Variants in ADAMTS20 observed in about 807,000 individuals in gnomAD.
The protein encoded by ADAMTS20 is A disintegrin and metalloproteinase with thrombospondin motifs 20.
A neutral mutation model predicts 260.1 loss-of-function variants in ADAMTS20; 225 were observed. The observed-to-expected ratio is 0.87, with a 90% CI of 0.78 to 0.97. The LOEUF is 0.97. Among genes scored for constraint, ADAMTS20 ranks in the 50% least tolerant of loss-of-function variants. The pLI is 0.00. For synonymous variants in ADAMTS20, 802 were observed against 769.5 expected (o/e 1.04, Z -0.70); for missense variants, 2,400 against 2,337.7 (o/e 1.03, Z -0.55).
At chr12:43,422,909 CAA>C in intron 28 of ADAMTS20, 1 of 151,794 alleles carries the variant, frequency 6.6e-6, no homozygotes, top group Middle Eastern at 3.4e-3. Context: ...AATAGCATAA[CAA>C]AAATATATTG....
intron 36 of ADAMTS20, among the ~76,000 whole-genome samples, chr12:43,374,277 T>C (rs914391040): frequency 2.0e-5 from 3 of 152,168 alleles, no homozygotes; most frequent in Non-Finnish European, 4.4e-5. Flanking sequence ...CTATAATTTA[T>C]ATATTATATA....
At chr12:43,361,874 A>G (rs999859074) in intron 37 of ADAMTS20, among the ~76,000 whole-genome samples, 1 of 152,218 alleles carries the variant, frequency 6.6e-6, no homozygotes, top group African/African-American at 2.4e-5. Context: ...TTTGACAGTT[A>G]TATGATTTAC....
intron 11 of ADAMTS20, 51 bp from the exon 12 acceptor site, chr12:43,454,103 C>A: frequency 6.4e-7 from 1 of 1,572,094 alleles, no homozygotes; most frequent in South Asian, 1.2e-5. Flanking sequence ...CTAATTAGAA[C>A]ATCACAAAAA....
chr12:43,506,514 G>A lies in ADAMTS20; in HGVS notation c.614-4109C>T, dbSNP rs944994797. Among the ~76,000 whole-genome samples, 4 of 149,372 alleles carry A rather than the reference G, an allele frequency of 2.7e-5. No individual in the cohort carries two copies. The Admixed American group carries it at 2.7e-4, about 10-fold the overall frequency. On this transcript the variant is annotated intron_variant, in intron 3 of 38. Transcript: ENST00000389420. ...TTTTTTCTTTTTGAGGCAGAGTCTC[G>A]CCTCAGGCTGGATGGAGTGCAGTGG...
At chr12:43,453,332 A>T (rs1941903951) in intron 12 of ADAMTS20, among the ~76,000 whole-genome samples, 3 of 152,178 alleles carry the variant, frequency 2.0e-5, no homozygotes. Context: ...TTACCAACTT[A>T]TATATCATAT....
At chr12:43,419,741 C>A (rs1941194380) in intron 28 of ADAMTS20, among the ~76,000 whole-genome samples, 1 of 149,642 alleles carries the variant, frequency 6.7e-6, no homozygotes, top group African/African-American at 2.4e-5. Flanking sequence ...CACACACAAA[C>A]ACACACACAC....
intron 18 of ADAMTS20, 143 bp from the exon 19 acceptor site, chr12:43,434,514 T>C (rs1941512306): frequency 1.5e-6 from 1 of 674,290 alleles, no homozygotes; most frequent in Non-Finnish European, 2.3e-6. Context: ...TATACTAGTA[T>C]ATTAATCTAA....
chr12:43,391,898 T>C (rs1180320989), intron 29 of ADAMTS20, among the ~76,000 whole-genome samples: 3 of 152,180 alleles, frequency 2.0e-5, no homozygotes, highest in African/African-American at 7.2e-5. Flanking sequence ...CACTTTAAAA[T>C]TTAGTTTTCT....
intron 37 of ADAMTS20, among the ~76,000 whole-genome samples, chr12:43,363,757 T>C (rs1460726360): frequency 6.6e-6 from 1 of 152,004 alleles, no homozygotes; most frequent in East Asian, 1.9e-4. Flanking sequence ...TGAAGGCAAA[T>C]GGTAGATAAG....
chr12:43,458,014 C>T (rs966205906), intron 11 of ADAMTS20, among the ~76,000 whole-genome samples: 3 of 152,210 alleles, frequency 2.0e-5, no homozygotes, highest in African/African-American at 7.2e-5. Flanking sequence ...TGAGGGCATG[C>T]CCATGACATA....
chr12:43,439,858 A>G (rs1941627673), intron 17 of ADAMTS20, 39 bp downstream of exon 17: 4 of 1,578,424 alleles, frequency 2.5e-6, no homozygotes, highest in Non-Finnish European at 3.4e-6. Flanking sequence ...TACTAATATA[A>G]TTAAATCCAA....
At position 43,493,176 on chromosome 12, in the gene ADAMTS20, A is replaced by C. The variant is rs777027278; in HGVS notation, c.945T>G (p.Arg315=). The C allele has an allele frequency of 1.3e-5, 20 of 1,558,376 alleles. No homozygotes were observed. The South Asian group carries it at 2.2e-4, about 18-fold the overall frequency. ...TTTTAGACCTGTTTCTTACCTCCTC[A>C]CGGTGAATCATAACTAATTTTACCA... is the stretch of plus-strand genomic sequence containing the variant. The part of the protein sequence containing the change: ...IVVVKLVMIH[R]EEEGPVINFD... Residue 315 remains arginine, a synonymous_variant, in exon 5 of 39, where the codon CGT becomes CGG. Transcript: ENST00000389420.
At chr12:43,526,686 T>C (rs1321811750) in intron 3 of ADAMTS20, among the ~76,000 whole-genome samples, 2 of 152,154 alleles carry the variant, frequency 1.3e-5, no homozygotes, top group African/African-American at 4.8e-5. Context: ...AGGGCAAAAG[T>C]AGTGCTAAGA....
rs1320828900 is a variant in ADAMTS20, at chr12:43,492,503, A to T, written c.1076+2T>A. The T allele has an allele frequency of 1.9e-6, 3 of 1,613,602 alleles. No individual in the cohort carries two copies. In the African/African-American group the frequency reaches 4.0e-5, roughly 22 times the overall value. ...TGGGAAGGGTTATTTCTATAATCATACCTAGTGATAAGAACAGCAGTGTCA... is the reference window on the plus strand; with the variant it reads ...TGGGAAGGGTTATTTCTATAATCATTCCTAGTGATAAGAACAGCAGTGTCA... On this transcript the variant is annotated splice_donor_variant, in intron 6 of 38. Transcript: ENST00000389420. LOFTEE classifies it high-confidence loss of function.
At chr12:43,488,628 A>G (rs980124549) in intron 7 of ADAMTS20, among the ~76,000 whole-genome samples, 8 of 152,160 alleles carry the variant, frequency 5.3e-5, no homozygotes, top group African/African-American at 1.9e-4. Context: ...GCTTTGTACA[A>G]TATTATAAAG....
At position 43,383,617 on chromosome 12, in the gene ADAMTS20, A is replaced by T. The variant is rs1940402788; in HGVS notation, c.4738T>A (p.Ser1580Thr). The change falls in exon 31 of 39, where the codon TCC becomes ACC. Residue 1580 changes from serine (S) to threonine (T), a missense_variant. By Grantham distance (58) the Ser-to-Thr change is moderately conservative (BLOSUM62 1). Transcript: ENST00000389420. ...CAAGGAGGGTTCCTGCAATTCTTGGATGTAAGAGATATGGTTGAAGAATTA... is the reference window on the plus strand; with the variant it reads ...CAAGGAGGGTTCCTGCAATTCTTGGTTGTAAGAGATATGGTTGAAGAATTA... ...VYNSSTISLT[S>T]KNCRNPPCNY... The T allele has an allele frequency of 4.3e-6, 7 of 1,613,660 alleles. No homozygotes were observed. Among genetic ancestry groups the T allele is most frequent in the Non-Finnish European group, 5.9e-6 (7 of 1,179,824 alleles).
chr12:43,446,730 A>G lies in ADAMTS20; in HGVS notation c.2080-18T>C. On this transcript the variant is annotated intron_variant, in intron 14 of 38. Coordinates refer to ENST00000389420, the MANE Select transcript of ADAMTS20 (RefSeq NM_025003.5). ...CCAGCTGCCTTCAAGACACAATTAC[A>G]ATCAATATTATAAGAATGACTAATT... 6.4e-7 allele frequency: 1 copy of G among 1,573,152 alleles called. No homozygotes were observed. Among genetic ancestry groups the G allele is most frequent in the Non-Finnish European group, 8.7e-7 (1 of 1,143,796 alleles).
rs372284132 is a variant in ADAMTS20, at chr12:43,459,405, A to G, written c.1614+3490T>C. Among the ~76,000 whole-genome samples, 5 of 152,300 alleles carry G rather than the reference A, an allele frequency of 3.3e-5. No individual in the cohort carries two copies. In the South Asian group the frequency reaches 8.3e-4, roughly 25 times the overall value. On this transcript the variant is annotated intron_variant, in intron 11 of 38. Coordinates refer to ENST00000389420, the MANE Select transcript of ADAMTS20 (RefSeq NM_025003.5). ...ATGACCCATGGCTTCTAACAGAGCT[A>G]TAACACTCACAGCATGGCCCAAGAT...
At chr12:43,519,483 G>A (rs1259595423) in intron 3 of ADAMTS20, among the ~76,000 whole-genome samples, 2 of 152,032 alleles carry the variant, frequency 1.3e-5, no homozygotes, top group Non-Finnish European at 2.9e-5. Context: ...CCCATGCTGG[G>A]GCAAGGTTGA....
Sources: gnomAD v4.1 joint callset for allele counts (sites outside exome capture counted in the v4.1 genomes callset) on GRCh38, gnomAD v4.1.1 for gene constraint, MANE v1.5 for transcripts, NCBI Gene and HGNC (gene_info 2026-07-23, HGNC 2026-07-21) for gene names.